Variants in MYO1B observed in about 807,000 individuals in gnomAD.
The protein encoded by MYO1B is unconventional myosin-Ib.
A neutral mutation model predicts 159.7 loss-of-function variants in MYO1B; 72 were observed. The ratio of observed to expected loss-of-function variants is 0.45; its 90% CI spans 0.37 to 0.55. MYO1B has a LOEUF of 0.55. Ranked by LOEUF, MYO1B falls within the 20% of genes least tolerant of loss-of-function variation. MYO1B has a pLI of 0.00. For synonymous variants in MYO1B, 468 were observed against 473.8 expected, an observed-to-expected ratio of 0.99 and a Z score of 0.16; for missense variants, 1,062 against 1,364.8, an observed-to-expected ratio of 0.78 and a Z score of 3.50.
chr2:191,268,344 GAC>G (rs1687263707), intron 1 of MYO1B, among the ~76,000 whole-genome samples: 1 of 152,028 alleles, frequency 6.6e-6, no homozygotes, highest in African/African-American at 2.4e-5. Context: ...TTCTTATAAG[GAC>G]ACCAATCTCT....
At chr2:191,255,641 A>G (rs16833548) in intron 1 of MYO1B, among the ~76,000 whole-genome samples, 1,653 of 152,348 alleles carry the variant, frequency 0.011, 35 homozygotes, top group African/African-American at 0.038. Context: ...GTGGTATTTA[A>G]CAGTGTTTTA....
chr2:191,276,761 A>T (rs759912213), intron 1 of MYO1B, 126 bp from the exon 2 acceptor site: 1 of 1,129,378 alleles, frequency 8.9e-7, no homozygotes, highest in Admixed American at 2.6e-5. Flanking sequence ...AGGAGAGGTT[A>T]TGACATTTTT....
intron 25 of MYO1B, among the ~76,000 whole-genome samples, 178 bp downstream of exon 25, chr2:191,408,367 C>T (rs1014400914): frequency 5.3e-5 from 8 of 152,146 alleles, no homozygotes; most frequent in African/African-American, 1.9e-4. Flanking sequence ...CTTCCAAATT[C>T]TGGTAGAATT....
At chr2:191,365,964 C>T (rs936285992) in intron 11 of MYO1B, among the ~76,000 whole-genome samples, 4 of 152,156 alleles carry the variant, frequency 2.6e-5, no homozygotes, top group Non-Finnish European at 4.4e-5. Context: ...GCAGACCTCA[C>T]CCCCAGTGTT....
rs373053813 is a variant in MYO1B at position 191,258,395 on chromosome 2, G to A, written c.-10+12769G>A. On this transcript the variant is annotated intron_variant, in intron 1 of 30. Transcript: ENST00000392318. ...TTGCAAGACCAGAAGTTGCTCTGGG[G>A]GAGTCAGTGAGTGATGGGTGAATGT... 2.6e-5 allele frequency among the ~76,000 whole-genome samples: 4 copies of A among 152,304 alleles called. No homozygotes were observed. The East Asian group carries it at 7.7e-4, about 29-fold the overall frequency.
chr2:191,354,992 A>G (rs12998932), intron 7 of MYO1B, among the ~76,000 whole-genome samples: 50,824 of 152,116 alleles, frequency 0.33, 8,743 homozygotes, highest in South Asian at 0.49. Flanking sequence ...CATTGATTCA[A>G]AGCTTGACTG....
Position 191,245,460 on chromosome 2 carries a change from A to G in MYO1B, c.-176A>G, listed in dbSNP as rs1027675681. On this transcript the variant is annotated 5_prime_UTR_variant, in exon 1 of 31. Coordinates refer to ENST00000392318, the MANE Select transcript of MYO1B (RefSeq NM_001130158.3). Reference sequence around the variant, plus strand: ...CTCAACCGCGGCGCGTGGAGGCAGTACCAGAGCGCGCGGCGCGCAGTCGGC... The same window carrying G: ...CTCAACCGCGGCGCGTGGAGGCAGTGCCAGAGCGCGCGGCGCGCAGTCGGC... 2.0e-5 allele frequency: 3 copies of G among 152,046 alleles called. No individual in the cohort carries two copies. The highest frequency in any genetic ancestry group is 2.9e-5 in the Non-Finnish European group (2 of 67,986). 9.4% of individuals were successfully genotyped at this position (152,046 alleles called of 1,614,324 possible).
intron 1 of MYO1B, among the ~76,000 whole-genome samples, chr2:191,248,589 T>C (rs1419800479): frequency 6.6e-6 from 1 of 152,208 alleles, no homozygotes; most frequent in Admixed American, 6.5e-5. Flanking sequence ...GTACTACATG[T>C]GGCTAGCCCC....
chr2:191,372,907 T>G (rs1235264581), intron 13 of MYO1B, among the ~76,000 whole-genome samples: 1 of 88,880 alleles, frequency 1.1e-5, no homozygotes, highest in Non-Finnish European at 2.3e-5. Context: ...TTTTTTTTTG[T>G]GACGGAGTCT....
chr2:191,330,778 G>A (rs778590290), intron 4 of MYO1B, among the ~76,000 whole-genome samples: 49 of 152,144 alleles, frequency 3.2e-4, no homozygotes, highest in Non-Finnish European at 6.3e-4. Context: ...TGGTATTTTC[G>A]TAAAGTTTCA....
intron 16 of MYO1B, among the ~76,000 whole-genome samples, chr2:191,386,537 A>C (rs917881969): frequency 3.9e-5 from 6 of 152,092 alleles, no homozygotes; most frequent in Non-Finnish European, 7.4e-5. Flanking sequence ...TATTTGGTTA[A>C]TATTTGGGGG....
chr2:191,313,178 T>C (rs1373203390), intron 3 of MYO1B, among the ~76,000 whole-genome samples: 4 of 142,668 alleles, frequency 2.8e-5, no homozygotes, highest in Non-Finnish European at 1.5e-5. Flanking sequence ...AGTTATAATA[T>C]CTGGCACACA....
chr2:191,417,374 A>G (rs1297588953), intron 30 of MYO1B, among the ~76,000 whole-genome samples: 2 of 152,248 alleles, frequency 1.3e-5, no homozygotes, highest in African/African-American at 4.8e-5. Context: ...TAGGAAAAAA[A>G]TAATGGTTGG....
chr2:191,265,705 C>T (rs530121900), intron 1 of MYO1B, among the ~76,000 whole-genome samples: 3 of 152,180 alleles, frequency 2.0e-5, no homozygotes, highest in Non-Finnish European at 4.4e-5. Context: ...AAATCTGCCT[C>T]GAAGGAACGC....
intron 4 of MYO1B, among the ~76,000 whole-genome samples, chr2:191,340,579 G>A (rs1692153317): frequency 1.3e-5 from 2 of 152,108 alleles, no homozygotes; most frequent in South Asian, 4.1e-4. Context: ...TTAGTAACGG[G>A]GTTACTAGTG....
At chr2:191,335,411 G>T (rs1042659677) in intron 4 of MYO1B, among the ~76,000 whole-genome samples, 4 of 152,094 alleles carry the variant, frequency 2.6e-5, no homozygotes, top group African/African-American at 4.8e-5. Context: ...ATTGTGTGTT[G>T]TTTAAAGTCT....
At chr2:191,366,853 A>AC (rs1694044293) in intron 11 of MYO1B, among the ~76,000 whole-genome samples, 1 of 149,244 alleles carries the variant, frequency 6.7e-6, no homozygotes. Flanking sequence ...GACACCCCGC[A>AC]CCCCCATCAG....
chr2:191,289,610 T>C (rs751179929), intron 2 of MYO1B, among the ~76,000 whole-genome samples: 3 of 152,216 alleles, frequency 2.0e-5, no homozygotes, highest in Non-Finnish European at 4.4e-5. Flanking sequence ...ACAGATTGGA[T>C]GCCTAGTTAG....
At chr2:191,413,270 A>G (rs993830534) in intron 27 of MYO1B, among the ~76,000 whole-genome samples, 19 of 152,216 alleles carry the variant, frequency 1.2e-4, no homozygotes, top group African/African-American at 4.3e-4. Context: ...AGCCTAGCCT[A>G]CCTTAAACAT....
Sources: allele counts gnomAD v4.1 joint callset (sites outside exome capture counted in the v4.1 genomes callset), GRCh38; gene constraint gnomAD v4.1.1; transcripts MANE v1.5; gene names NCBI Gene and HGNC (gene_info 2026-07-23, HGNC 2026-07-21).